Variants in MSH3 observed in about 807,000 individuals in gnomAD.
The protein encoded by MSH3 is DNA mismatch repair protein Msh3.
A neutral mutation model predicts 123.3 loss-of-function variants in MSH3; 106 were observed. The ratio of observed to expected loss-of-function variants is 0.86; its 90% CI spans 0.73 to 1.01. The LOEUF (loss-of-function observed/expected upper bound fraction) is 1.01, where lower values mean the gene tolerates loss of function less well. Ranked by LOEUF, MSH3 falls within the 50% of genes least tolerant of loss-of-function variation. The pLI is 0.00. For missense variants in MSH3, 1,459 were observed against 1,347.6 expected, an observed-to-expected ratio of 1.08 and a Z score of -1.29; for synonymous variants, 515 against 481.4, an observed-to-expected ratio of 1.07 and a Z score of -0.91.
chr5:80,677,335 AGT>A (rs1749864509), intron 7 of MSH3, among the ~76,000 whole-genome samples: 1 of 152,152 alleles, frequency 6.6e-6, no homozygotes, highest in Non-Finnish European at 1.5e-5. Context: ...TAGGTTTCTC[AGT>A]GTGATACATA....
intron 20 of MSH3, among the ~76,000 whole-genome samples, chr5:80,828,691 C>T (rs1745365503): frequency 1.3e-5 from 2 of 152,196 alleles, no homozygotes; most frequent in South Asian, 2.1e-4. Flanking sequence ...AAGACATTCT[C>T]ATTTCATAAG....
chr5:80,870,810 A>T (rs1348733392), intron 22 of MSH3, among the ~76,000 whole-genome samples: 1 of 152,234 alleles, frequency 6.6e-6, no homozygotes, highest in African/African-American at 2.4e-5. Context: ...AAAAGCATAC[A>T]CATCTATCAA....
chr5:80,787,741 T>A (rs1313554865), intron 18 of MSH3, 69 bp downstream of exon 18: 18 of 1,056,908 alleles, frequency 1.7e-5, no homozygotes, highest in Non-Finnish European at 2.5e-5. Context: ...TTAATTATAG[T>A]GTCTTTATTA....
At chr5:80,678,827 T>G (rs836807) in intron 7 of MSH3, 100 bp from the exon 8 acceptor site, 1 of 1,318,170 alleles carries the variant, frequency 7.6e-7, no homozygotes, top group East Asian at 2.3e-5. Flanking sequence ...TACATACTCC[T>G]GAGTGTATCA....
chr5:80,706,831 A>G (rs1171244593), intron 8 of MSH3, among the ~76,000 whole-genome samples: 1 of 152,230 alleles, frequency 6.6e-6, no homozygotes, highest in African/African-American at 2.4e-5. Context: ...TATAAATTAC[A>G]TACGGCAAAT....
intron 10 of MSH3, among the ~76,000 whole-genome samples, chr5:80,737,764 A>C (rs1743538825): frequency 6.6e-6 from 1 of 152,200 alleles, no homozygotes; most frequent in South Asian, 2.1e-4. Context: ...AATACGTATA[A>C]ATTTATACTT....
intron 8 of MSH3, among the ~76,000 whole-genome samples, chr5:80,698,915 C>T (rs375337674): frequency 1.1e-4 from 16 of 152,024 alleles, no homozygotes; most frequent in East Asian, 5.8e-4. Context: ...CAAACCTGCA[C>T]GTTGTGCACA....
chr5:80,832,109 CAAAAAACA>C (rs147535262), intron 20 of MSH3, among the ~76,000 whole-genome samples: 36,917 of 150,452 alleles, frequency 0.25, 5,003 homozygotes, highest in East Asian at 0.37. Flanking sequence ...GACTCCTTCT[CAAAAAACA>C]AAAAAACAAA....
rs533956140 is a variant in MSH3, at chr5:80,731,051, C to T, written c.1568+2086C>T. Among the ~76,000 whole-genome samples, 22 of 151,222 alleles carry T rather than the reference C, an allele frequency of 1.5e-4. No homozygotes were observed. In the South Asian group the frequency reaches 3.8e-3, roughly 26 times the overall value. On this transcript the variant is annotated intron_variant, in intron 10 of 23. Transcript: ENST00000265081. ...CCAAGTAGCTGGGATTACAGGTGCA[C>T]GCCACCGCGCCCAGCTAATTTTTTG... is the stretch of plus-strand genomic sequence containing the variant.
intron 21 of MSH3, among the ~76,000 whole-genome samples, chr5:80,859,396 G>A (rs1305798230): frequency 1.3e-5 from 2 of 152,172 alleles, no homozygotes; most frequent in Non-Finnish European, 2.9e-5. Context: ...AAAGCGCTGG[G>A]ATTGCAAGTG....
At chr5:80,768,647 A>T (rs1009448225) in intron 14 of MSH3, among the ~76,000 whole-genome samples, 188 bp from the exon 15 acceptor site, 5 of 152,294 alleles carry the variant, frequency 3.3e-5, no homozygotes, top group Admixed American at 3.3e-4. Context: ...AAAAGCAGAA[A>T]TGATTTTAGG....
intron 12 of MSH3, chr5:80,746,304 C>T (rs1743718814): frequency 1.2e-5 from 4 of 321,226 alleles, no homozygotes; most frequent in African/African-American, 2.2e-5. Context: ...GTATTTGGAA[C>T]AATCCTTACA....
At position 80,778,747 on chromosome 5, in the gene MSH3, T is replaced by G; in HGVS notation, c.2346T>G (p.Ser782=). 6.2e-7 allele frequency: 1 copy of G among 1,612,202 alleles called. No homozygotes were observed. ...CAAAAGCTGTGAGCCGCTTTCACTC[T>G]CCTTTTATTGTAGAAAATTACAGAC... ...GSTKAVSRFH[S]PFIVENYRHL... is the part of the protein sequence containing the mutation. The change falls in exon 17 of 24, where the codon TCT becomes TCG. Residue 782 remains serine (S), a synonymous_variant. Transcript: ENST00000265081.
intron 20 of MSH3, among the ~76,000 whole-genome samples, chr5:80,841,460 G>A (rs11956599): frequency 0.16 from 23,995 of 152,138 alleles, 1,983 homozygotes; most frequent in East Asian, 0.24. Flanking sequence ...TCTAGTTCTA[G>A]ATCCTTGAGG....
chr5:80,663,567 A>G (rs898535252), intron 2 of MSH3, among the ~76,000 whole-genome samples: 2 of 150,614 alleles, frequency 1.3e-5, no homozygotes. Flanking sequence ...TTTTATGTCT[A>G]TAGGAGGGAA....
chr5:80,865,532 G>A (rs750980240), intron 22 of MSH3, among the ~76,000 whole-genome samples: 1 of 152,086 alleles, frequency 6.6e-6, no homozygotes, highest in Non-Finnish European at 1.5e-5. Flanking sequence ...TGCTATGGAG[G>A]AAATCTACAA....
chr5:80,725,593 G>A, intron 9 of MSH3, 28 bp downstream of exon 9: 2 of 1,473,916 alleles, frequency 1.4e-6, no homozygotes, highest in East Asian at 2.3e-5. Context: ...ATGTCCTCAA[G>A]TTGAACTGAT....
intron 10 of MSH3, among the ~76,000 whole-genome samples, chr5:80,733,129 A>C (rs1304868512): frequency 6.6e-6 from 1 of 152,190 alleles, no homozygotes; most frequent in African/African-American, 2.4e-5. Context: ...TGGAATTGGC[A>C]TAAGCACAGA....
intron 8 of MSH3, among the ~76,000 whole-genome samples, chr5:80,717,104 A>G (rs1040216937): frequency 3.3e-5 from 5 of 152,160 alleles, no homozygotes; most frequent in Non-Finnish European, 7.3e-5. Context: ...TTATCTGTTC[A>G]TCCATTGATG....
Sources: gnomAD v4.1 joint callset for allele counts (sites outside exome capture counted in the v4.1 genomes callset) on GRCh38, gnomAD v4.1.1 for gene constraint, MANE v1.5 for transcripts, NCBI Gene and HGNC (gene_info 2026-07-23, HGNC 2026-07-21) for gene names.